The following NOC2L variants were observed in gnomAD, a reference collection of about 807,000 sequenced individuals.
The protein encoded by NOC2L is NOC2 like nucleolar associated transcriptional repressor, also known as nucleolar complex protein 2 homolog.
In NOC2L, 101 loss-of-function variants were observed where a neutral mutation model predicts 94.2. That is an observed-to-expected ratio of 1.07 (90% confidence interval 0.91 to 1.26). NOC2L has a LOEUF of 1.26. NOC2L is among the 50% of genes most tolerant of loss of function. NOC2L has a pLI of 0.00. For synonymous variants in NOC2L, 531 were observed against 413.4 expected, an observed-to-expected ratio of 1.28 and a Z score of -3.45; for missense variants, 1,076 against 980.1, an observed-to-expected ratio of 1.10 and a Z score of -1.31.
At chr1:958,781 G>A (rs1161493616) in intron 2 of NOC2L, 148 bp downstream of exon 2, 3 of 811,512 alleles carry the variant, frequency 3.7e-6, no homozygotes, top group East Asian at 2.6e-5. Flanking sequence ...GTAAACATCG[G>A]ATGAAAGAGT....
chr1:951,941 T>C (rs1287304975), intron 11 of NOC2L, 59 bp downstream of exon 11: 6 of 1,562,360 alleles, frequency 3.8e-6, no homozygotes, highest in Admixed American at 3.6e-5. Flanking sequence ...GCCCACACAG[T>C]CCCAGCAAAT....
At position 956,808 on chromosome 1, in the gene NOC2L, C is replaced by A; in HGVS notation, c.486+86G>T. The A allele has an allele frequency of 3.2e-6, 5 of 1,576,754 alleles. No homozygotes were observed. The African/African-American group carries it at 6.7e-5, about 21-fold the overall frequency. On this transcript the variant is annotated intron_variant, in intron 4 of 18. Transcript: ENST00000327044. ...GATCTCTGCCTGGGCACCCAGCTGC[C>A]CGCCCCTCGCTGCTGCTCACCTCAG...
At chr1:955,623 A>G (rs966980657) in intron 6 of NOC2L, among the ~76,000 whole-genome samples, 1 of 152,222 alleles carries the variant, frequency 6.6e-6, no homozygotes, top group Non-Finnish European at 1.5e-5. Flanking sequence ...AGGGAAATAG[A>G]GCAAGAACCC....
Position 958,995 on chromosome 1 carries a change from G to C in NOC2L, c.113C>G (p.Ala38Gly). The change falls in exon 2 of 19, where the codon GCG (alanine) becomes GGG (glycine). Residue 38 changes from alanine to glycine, a missense_variant. Ala to Gly is a moderately conservative substitution (Grantham distance 60, BLOSUM62 0). Transcript: ENST00000327044. ...SESESENSPQ[A>G]ETREAREAAR... ...AGCCTCGCGTGCTTCCCGTGTCTCCGCTTGTGGAGAATTTTCGGACTCGGA... is the reference window on the plus strand; with the variant it reads ...AGCCTCGCGTGCTTCCCGTGTCTCCCCTTGTGGAGAATTTTCGGACTCGGA... 6.2e-7 allele frequency: 1 copy of C among 1,612,728 alleles called. No homozygotes were observed. Among genetic ancestry groups the C allele is most frequent in the Non-Finnish European group, 8.5e-7 (1 of 1,179,960 alleles).
chr1:954,021 G>C lies in NOC2L; in HGVS notation c.760C>G (p.Leu254Val), dbSNP rs778825903. Residue 254 changes from leucine to valine, a missense_variant, in exon 7 of 19, where the codon CTG becomes GTG. Leu to Val is a conservative substitution (Grantham distance 32). Coordinates refer to ENST00000327044, the MANE Select transcript of NOC2L (RefSeq NM_015658.4). ...AATAGCACCTGTATGGCCGAGCCCA[G>C]GTAAGCCTTGATGTCCACACGAAGC... ...GKLRVDIKAY[L>V]GSAIQLVSCL... The C allele has an allele frequency of 6.2e-7, 1 of 1,606,672 alleles. No homozygotes were observed. Among genetic ancestry groups the C allele is most frequent in the African/African-American group, 1.3e-5 (1 of 74,746 alleles).
At chr1:945,022 A>C (rs1343648805) in intron 18 of NOC2L, 35 bp downstream of exon 18, 1 of 1,613,658 alleles carries the variant, frequency 6.2e-7, no homozygotes, top group South Asian at 1.1e-5. Context: ...AGATGGGCTC[A>C]CAGGGCCACA....
intron 8 of NOC2L, among the ~76,000 whole-genome samples, 156 bp downstream of exon 8, chr1:953,626 G>A (rs989055377): frequency 6.6e-6 from 1 of 152,266 alleles, no homozygotes; most frequent in Non-Finnish European, 1.5e-5. Flanking sequence ...CCCCAGGTGG[G>A]GGTGGGGGCC....
At chr1:950,013 A>T (rs1013073653) in intron 12 of NOC2L, among the ~76,000 whole-genome samples, 7 of 152,230 alleles carry the variant, frequency 4.6e-5, no homozygotes, top group African/African-American at 1.4e-4. Context: ...ACCCACTGAA[A>T]GTTGAAACTT....
chr1:953,303 A>T lies in NOC2L; in HGVS notation c.889-15T>A, dbSNP rs1642308516. 1 of 1,477,164 alleles carries T rather than the reference A, an allele frequency of 6.8e-7. No individual in the cohort carries two copies. Among genetic ancestry groups the T allele is most frequent in the Non-Finnish European group, 9.5e-7 (1 of 1,056,340 alleles). The allele number at this position is 1,477,164 out of a possible 1,614,324, so 91.5% of individuals were successfully genotyped here. Reference sequence around the variant, plus strand: ...ATCACCATTCTCTGCAGAAGGTCAGACGTCACTGGTGGCCCCCCAGCCTCC... The same window carrying T: ...ATCACCATTCTCTGCAGAAGGTCAGTCGTCACTGGTGGCCCCCCAGCCTCC... On this transcript the variant is annotated splice_polypyrimidine_tract_variant and intron_variant, in intron 8 of 18. Transcript: ENST00000327044.
intron 10 of NOC2L, 67 bp downstream of exon 10, chr1:952,345 T>G (rs1642282595): frequency 6.3e-7 from 1 of 1,575,004 alleles, no homozygotes; most frequent in Admixed American, 1.7e-5. Context: ...AGGCCCTGCC[T>G]TGGGTCGGGC....
At position 953,789 on chromosome 1, in the gene NOC2L, A is replaced by G; in HGVS notation, c.881T>C (p.Leu294Pro). The G allele has an allele frequency of 6.2e-7, 1 of 1,611,412 alleles. No individual in the cohort carries two copies. Among genetic ancestry groups the G allele is most frequent in the Non-Finnish European group, 8.5e-7 (1 of 1,178,978 alleles). Residue 294 changes from leucine (L) to proline (P), a missense_variant, in exon 8 of 19, where the codon CTG (leucine) becomes CCG (proline). This residue lies in a region of NOC2L where 457 missense variants were observed against 386.0 expected (regional missense o/e 1.18). Transcript: ENST00000327044. ...FLTFPKQCRM[L>P]LKRMVIVWST... ...GGGGACTGGGCCACGAACCTTGAGC[A>G]GCATGCGGCACTGCTTGGGGAAGGT...
Position 944,814 on chromosome 1 carries a change from T to G in NOC2L, c.2144-14A>C, listed in dbSNP as rs1557614025. 2.6e-6 allele frequency: 4 copies of G among 1,529,002 alleles called. No individual in the cohort carries two copies. The African/African-American group carries it at 4.1e-5, about 16-fold the overall frequency. The allele number at this position is 1,529,002 out of a possible 1,614,324, so 94.7% of individuals were successfully genotyped here. ...CTGGGTCTCCATCTGCGGGGAGAGA[T>G]GGAGGCTACATAAATTTTGCTTTAT... On this transcript the variant is annotated splice_polypyrimidine_tract_variant and intron_variant, in intron 18 of 18. Transcript: ENST00000327044.
chr1:958,816 G>A (rs573385523), intron 2 of NOC2L, 113 bp downstream of exon 2: 13 of 1,035,466 alleles, frequency 1.3e-5, no homozygotes, highest in South Asian at 2.6e-5. Context: ...GGACTGGGGG[G>A]CAGAGGTCGG....
Position 952,282 on chromosome 1 carries a change from C to A in NOC2L, c.1191+130G>T, listed in dbSNP as rs112616376. 7.3e-5 allele frequency: 102 copies of A among 1,398,348 alleles called. No individual in the cohort carries two copies. The African/African-American group carries it at 1.3e-3, about 18-fold the overall frequency. 86.6% of individuals were successfully genotyped at this position (1,398,348 alleles called of 1,614,324 possible). A position where few individuals can be genotyped will look rare whatever the true frequency, so the allele number is the denominator to read the frequency against. ...CCACCCTTCCCCCACCTGCAAGGAC[C>A]GACTGCACCAGGGTGCTGGGCTGTC... On this transcript the variant is annotated intron_variant, in intron 10 of 18. Coordinates refer to ENST00000327044, the MANE Select transcript of NOC2L (RefSeq NM_015658.4).
rs1457218776 is a variant in NOC2L at position 952,374 on chromosome 1, C to T, written c.1191+38G>A. 3.7e-6 allele frequency: 6 copies of T among 1,606,224 alleles called. No individual in the cohort carries two copies. In the Admixed American group the frequency reaches 6.7e-5, roughly 18 times the overall value. On this transcript the variant is annotated intron_variant, in intron 10 of 18. Coordinates refer to ENST00000327044, the MANE Select transcript of NOC2L (RefSeq NM_015658.4). ...GTCGGGCACCTGGGCTGCCCCACCC[C>T]ATGCCCAGCATGAGCCTGGAAGGGC... is the stretch of plus-strand genomic sequence containing the variant.
At chr1:955,067 G>A (rs1273876299) in intron 6 of NOC2L, among the ~76,000 whole-genome samples, 7 of 152,160 alleles carry the variant, frequency 4.6e-5, no homozygotes, top group East Asian at 1.9e-4. Flanking sequence ...GACTCCCTCC[G>A]GTACAGCTGC....
At chr1:948,350 G>A in intron 13 of NOC2L, 118 bp from the exon 14 acceptor site, 2 of 1,052,820 alleles carry the variant, frequency 1.9e-6, no homozygotes, top group Admixed American at 2.1e-5. Flanking sequence ...TGCAAGGAAG[G>A]GGCTCCTGGG....
rs1270966931 is a variant in NOC2L at position 951,378 on chromosome 1, C to G, written c.1332-140G>C. ...CAAGGCACGTCTGAACCCCAGGGACCTGCACCCCTTGCCCAGCTATGGGGC... is the reference window on the plus strand; with the variant it reads ...CAAGGCACGTCTGAACCCCAGGGACGTGCACCCCTTGCCCAGCTATGGGGC... On this transcript the variant is annotated intron_variant, in intron 11 of 18. Coordinates refer to ENST00000327044, the MANE Select transcript of NOC2L (RefSeq NM_015658.4). 3 of 667,458 alleles carry G rather than the reference C, an allele frequency of 4.5e-6. No individual in the cohort carries two copies. In the East Asian group the frequency reaches 8.2e-5, roughly 18 times the overall value. The allele number at this position is 667,458 out of a possible 1,614,324, so 41.3% of individuals were successfully genotyped here.
intron 17 of NOC2L, 116 bp from the exon 18 acceptor site, chr1:945,262 A>G: frequency 7.7e-7 from 1 of 1,303,136 alleles, no homozygotes; most frequent in South Asian, 1.4e-5. Flanking sequence ...GCTGACTTCC[A>G]GCAGGTGGAG....
Sources: gnomAD v4.1 joint callset for allele counts (sites outside exome capture counted in the v4.1 genomes callset) on GRCh38, gnomAD v4.1.1 for gene constraint, gnomAD v4.1.1 regional missense constraint, MANE v1.5 for transcripts, NCBI Gene and HGNC (gene_info 2026-07-23, HGNC 2026-07-21) for gene names.